The following USP13 variants were observed in gnomAD, a reference collection of about 807,000 sequenced individuals.
USP13 encodes ubiquitin specific peptidase 13.
In USP13, 68 loss-of-function variants were observed where a neutral mutation model predicts 107.8. The observed-to-expected ratio is 0.63, with a 90% CI of 0.52 to 0.77. The LOEUF (loss-of-function observed/expected upper bound fraction) is 0.77, where lower values mean the gene tolerates loss of function less well. USP13 is among the 30% of genes least tolerant of loss of function. USP13 has a pLI of 0.00. For missense variants in USP13, 945 were observed against 1,093.3 expected, an observed-to-expected ratio of 0.86 and a Z score of 1.91; for synonymous variants, 377 against 389.5, an observed-to-expected ratio of 0.97 and a Z score of 0.38.
intron 1 of USP13, 60 bp from the exon 2 acceptor site, chr3:179,681,818 T>C: frequency 6.4e-7 from 1 of 1,560,834 alleles, no homozygotes; most frequent in Non-Finnish European, 8.7e-7. Context: ...TTTCCCTCTT[T>C]CTACATCTGA....
chr3:179,774,553 C>T (rs1196745555), intron 19 of USP13, among the ~76,000 whole-genome samples: 1 of 151,844 alleles, frequency 6.6e-6, no homozygotes, highest in Non-Finnish European at 1.5e-5. Context: ...GTTGCTCATT[C>T]CTCCCTGTGG....
intron 10 of USP13, among the ~76,000 whole-genome samples, chr3:179,737,735 G>C (rs1206147257): frequency 6.6e-6 from 1 of 152,188 alleles, no homozygotes; most frequent in African/African-American, 2.4e-5. Flanking sequence ...AATTCTTTGA[G>C]AGCTACCAGT....
intron 6 of USP13, among the ~76,000 whole-genome samples, chr3:179,715,367 C>CTTTTTTT (rs71182513): frequency 7.3e-6 from 1 of 136,278 alleles, no homozygotes; most frequent in East Asian, 2.1e-4. Flanking sequence ...ATTTTTCTTT[C>CTTTTTTT]TTTTTTTTTT....
chr3:179,730,090 C>G, intron 8 of USP13, 99 bp from the exon 9 acceptor site: 1 of 1,112,946 alleles, frequency 9.0e-7, no homozygotes. Context: ...TTTAGTTTGA[C>G]AAAGGGGCAA....
At chr3:179,779,881 T>C (rs1715685980) in intron 19 of USP13, among the ~76,000 whole-genome samples, 1 of 152,164 alleles carries the variant, frequency 6.6e-6, no homozygotes, top group African/African-American at 2.4e-5. Context: ...GATGAGGGGC[T>C]ACAAGTGGAG....
intron 19 of USP13, among the ~76,000 whole-genome samples, chr3:179,775,982 T>C (rs1273605208): frequency 6.6e-6 from 1 of 152,184 alleles, no homozygotes; most frequent in African/African-American, 2.4e-5. Flanking sequence ...CCAGAGCAGA[T>C]GTCACGGTCG....
At chr3:179,739,810 C>T (rs1230367042) in intron 10 of USP13, among the ~76,000 whole-genome samples, 5 of 152,142 alleles carry the variant, frequency 3.3e-5, no homozygotes, top group African/African-American at 9.7e-5. Context: ...CCACCTGCCT[C>T]GGCCTCCCAA....
At chr3:179,698,992 C>T (rs1407899604) in intron 3 of USP13, among the ~76,000 whole-genome samples, 1 of 151,928 alleles carries the variant, frequency 6.6e-6, no homozygotes, top group East Asian at 1.9e-4. Context: ...CCTCATCCTC[C>T]TGAGTAGCTG....
chr3:179,786,922 G>A lies in USP13; in HGVS notation c.*2781G>A, dbSNP rs370020175. ...ATTTATGTAGAATTCCAATGAATAT[G>A]TCTTTGGAAAAGGTAATGTATCAAA... On this transcript the variant is annotated 3_prime_UTR_variant, in exon 21 of 21. Transcript: ENST00000263966. 3.9e-5 allele frequency: 6 copies of A among 152,242 alleles called. No homozygotes were observed. Among genetic ancestry groups the A allele is most frequent in the African/African-American group, 1.4e-4 (6 of 41,542 alleles). 9.4% of individuals were successfully genotyped at this position (152,242 alleles called of 1,614,324 possible). A position where few individuals can be genotyped will look rare whatever the true frequency, so the allele number is the denominator to read the frequency against.
chr3:179,778,480 G>C (rs138270857), intron 19 of USP13, among the ~76,000 whole-genome samples: 1 of 152,066 alleles, frequency 6.6e-6, no homozygotes, highest in Non-Finnish European at 1.5e-5. Flanking sequence ...ATGTGACATG[G>C]TGGCTGGGCA....
At chr3:179,765,956 A>G in intron 19 of USP13, 108 bp downstream of exon 19, 1 of 1,214,398 alleles carries the variant, frequency 8.2e-7, no homozygotes, top group South Asian at 1.7e-5. Flanking sequence ...TTCAAAAGTT[A>G]GCACAGATCC....
intron 16 of USP13, among the ~76,000 whole-genome samples, chr3:179,760,534 C>T (rs963476948): frequency 2.6e-5 from 4 of 152,194 alleles, no homozygotes; most frequent in Non-Finnish European, 5.9e-5. Context: ...CCGCCCGCCT[C>T]GGCCTCCCAA....
At chr3:179,738,703 C>T (rs1714078390) in intron 10 of USP13, among the ~76,000 whole-genome samples, 1 of 152,178 alleles carries the variant, frequency 6.6e-6, no homozygotes, top group South Asian at 2.1e-4. Context: ...GGGCAGATCC[C>T]CTAGATTCCT....
At chr3:179,683,125 T>A (rs1711727794) in intron 2 of USP13, among the ~76,000 whole-genome samples, 1 of 152,020 alleles carries the variant, frequency 6.6e-6, no homozygotes, top group Non-Finnish European at 1.5e-5. Flanking sequence ...GATTTATCTT[T>A]TTCTTATAAG....
chr3:179,707,809 T>A (rs1220454965), intron 5 of USP13, among the ~76,000 whole-genome samples: 1 of 152,218 alleles, frequency 6.6e-6, no homozygotes, highest in African/African-American at 2.4e-5. Flanking sequence ...TCTGATTTGG[T>A]TGAATCCTGA....
At chr3:179,735,540 C>T (rs1278058831) in intron 10 of USP13, among the ~76,000 whole-genome samples, 1 of 151,920 alleles carries the variant, frequency 6.6e-6, no homozygotes, top group African/African-American at 2.4e-5. Context: ...AAATCTGGTT[C>T]CACCAGTTTC....
chr3:179,688,338 T>C (rs1381778600), intron 2 of USP13, among the ~76,000 whole-genome samples: 1 of 152,188 alleles, frequency 6.6e-6, no homozygotes, highest in Non-Finnish European at 1.5e-5. Flanking sequence ...CATTTCCTCC[T>C]TACGATATGA....
intron 1 of USP13, among the ~76,000 whole-genome samples, chr3:179,674,413 A>T (rs1720834437): frequency 6.6e-6 from 1 of 152,170 alleles, no homozygotes; most frequent in East Asian, 1.9e-4. Context: ...AACAAAAACA[A>T]CCTCATCCAT....
At position 179,653,697 on chromosome 3, in the gene USP13, CGAACT is replaced by C. The variant is rs998736926; in HGVS notation, c.168+306_168+310del. ...GATGAAATACAAGAGTTCCCTGTTC[CGAACT>C]GCACGTTGCAGATCGTTTGCGTCCT... On this transcript the variant is annotated intron_variant, in intron 1 of 20. Transcript: ENST00000263966. This position sits in a 1 kb window ranked among gnomAD's most constrained non-coding sequence, Gnocchi z 4.0. 1.9e-5 allele frequency: 6 copies of C among 323,826 alleles called. No individual in the cohort carries two copies. Among genetic ancestry groups the C allele is most frequent in the African/African-American group, 1.1e-4 (5 of 45,754 alleles). The allele number at this position is 323,826 out of a possible 1,614,324, so 20.1% of individuals were successfully genotyped here.
Sources: allele counts gnomAD v4.1 joint callset (sites outside exome capture counted in the v4.1 genomes callset), GRCh38; gene constraint gnomAD v4.1.1; non-coding constraint Gnocchi (gnomAD v3.1); transcripts MANE v1.5; gene names NCBI Gene and HGNC (gene_info 2026-07-23, HGNC 2026-07-21).